Variants in HS6ST3 observed in about 807,000 individuals in gnomAD.
The protein encoded by HS6ST3 is heparan sulfate 6-O-sulfotransferase 3.
HS6ST3 carries 12 observed loss-of-function variants against 36.7 expected under a neutral mutation model. The observed-to-expected ratio is 0.33, with a 90% CI of 0.21 to 0.53. The LOEUF (loss-of-function observed/expected upper bound fraction) is 0.53, where lower values mean the gene tolerates loss of function less well. HS6ST3 is among the 20% of genes least tolerant of loss of function. The pLI is 0.95. For missense variants in HS6ST3, 584 were observed against 640.9 expected (o/e 0.91, Z 0.96); for synonymous variants, 240 against 257.5 (o/e 0.93, Z 0.65).
chr13:96,507,859 T>A (rs985739617), intron 1 of HS6ST3, among the ~76,000 whole-genome samples: 1 of 152,058 alleles, frequency 6.6e-6, no homozygotes, highest in African/African-American at 2.4e-5. Flanking sequence ...GATTAACTAT[T>A]CAGTTGAATT....
intron 1 of HS6ST3, among the ~76,000 whole-genome samples, chr13:96,254,429 AAAAAAAAAAAAAAAAAAAAATATAT>A: frequency 5.0e-5 from 2 of 39,900 alleles, no homozygotes; most frequent in African/African-American, 1.7e-4. Flanking sequence ...AAAAAAAAAA[AAAAAAAAAAAAAAAAAAAAATATAT>A]ATATATATAT....
At chr13:96,303,096 G>A (rs1294779687) in intron 1 of HS6ST3, among the ~76,000 whole-genome samples, 1 of 152,076 alleles carries the variant, frequency 6.6e-6, no homozygotes, top group African/African-American at 2.4e-5. Context: ...AACGTTTTTT[G>A]ACCCTTATTC....
At chr13:96,734,825 C>T (rs1403672002) in intron 1 of HS6ST3, among the ~76,000 whole-genome samples, 1 of 152,166 alleles carries the variant, frequency 6.6e-6, no homozygotes, top group Non-Finnish European at 1.5e-5. Flanking sequence ...AGATCAGTGT[C>T]TGGAGAAATT....
intron 1 of HS6ST3, among the ~76,000 whole-genome samples, chr13:96,335,125 C>G (rs2055093826): frequency 6.6e-6 from 1 of 152,098 alleles, no homozygotes; most frequent in Non-Finnish European, 1.5e-5. Context: ...TTGTTACTAA[C>G]TGGGGGTGGC....
intron 1 of HS6ST3, among the ~76,000 whole-genome samples, chr13:96,789,068 T>C (rs1877719934): frequency 6.6e-6 from 1 of 151,746 alleles, no homozygotes; most frequent in Admixed American, 6.6e-5. Context: ...TTCTTGCTTG[T>C]TCCGTTTGTT....
At chr13:96,494,158 G>A (rs1269768315) in intron 1 of HS6ST3, among the ~76,000 whole-genome samples, 1 of 151,942 alleles carries the variant, frequency 6.6e-6, no homozygotes, top group Non-Finnish European at 1.5e-5. Context: ...CTTCACCAAT[G>A]ATAGACTGGA....
intron 1 of HS6ST3, among the ~76,000 whole-genome samples, chr13:96,259,929 A>G (rs867375542): frequency 2.6e-5 from 4 of 151,582 alleles, no homozygotes; most frequent in Admixed American, 6.6e-5. Flanking sequence ...TTAAACCATG[A>G]TTTGGGTATG....
intron 1 of HS6ST3, among the ~76,000 whole-genome samples, chr13:96,209,723 G>T (rs1006708514): frequency 6.6e-6 from 1 of 152,082 alleles, no homozygotes; most frequent in Non-Finnish European, 1.5e-5. Flanking sequence ...TCCAGCCTAG[G>T]GGGATTGTAC....
intron 1 of HS6ST3, among the ~76,000 whole-genome samples, chr13:96,161,377 G>C (rs2054135061): frequency 6.6e-6 from 1 of 152,152 alleles, no homozygotes; most frequent in Admixed American, 6.6e-5. Context: ...AATGAGTAGT[G>C]TCAGCAAAGG....
At chr13:96,419,716 G>C (rs975017412) in intron 1 of HS6ST3, among the ~76,000 whole-genome samples, 3 of 152,086 alleles carry the variant, frequency 2.0e-5, no homozygotes, top group Non-Finnish European at 4.4e-5. Flanking sequence ...TACTCTTCTA[G>C]CTTCTGGTGT....
intron 1 of HS6ST3, among the ~76,000 whole-genome samples, chr13:96,142,209 A>G (rs58455455): frequency 0.011 from 1,680 of 152,332 alleles, 35 homozygotes; most frequent in African/African-American, 0.037. Context: ...AAGTGACAGC[A>G]TCAATCAATA....
chr13:96,497,647 A>T, intron 1 of HS6ST3, among the ~76,000 whole-genome samples: 1 of 152,106 alleles, frequency 6.6e-6, no homozygotes, highest in East Asian at 1.9e-4. Context: ...ATCTGATTGT[A>T]TCAGTCATGT....
At chr13:96,348,259 G>A (rs1327279562) in intron 1 of HS6ST3, among the ~76,000 whole-genome samples, 1 of 152,202 alleles carries the variant, frequency 6.6e-6, no homozygotes, top group African/African-American at 2.4e-5. Context: ...CAAGAGTGAA[G>A]GCCATCTTGG....
intron 1 of HS6ST3, among the ~76,000 whole-genome samples, chr13:96,218,245 G>T (rs2139361156): frequency 6.6e-6 from 1 of 152,266 alleles, no homozygotes; most frequent in African/African-American, 2.4e-5. Context: ...TCAGGTAAGG[G>T]ACACAGAAGC....
chr13:96,673,093 C>A (rs1314391641), intron 1 of HS6ST3, among the ~76,000 whole-genome samples: 1 of 152,128 alleles, frequency 6.6e-6, no homozygotes, highest in East Asian at 1.9e-4. Flanking sequence ...TAGGTAGCTG[C>A]CAGCCTTCCT....
intron 1 of HS6ST3, among the ~76,000 whole-genome samples, chr13:96,305,132 T>C (rs1167361927): frequency 6.6e-6 from 1 of 152,214 alleles, no homozygotes; most frequent in Non-Finnish European, 1.5e-5. Context: ...ATAGCCATTG[T>C]ATACATGGAT....
intron 1 of HS6ST3, among the ~76,000 whole-genome samples, chr13:96,772,052 G>A (rs1877278883): frequency 1.3e-5 from 2 of 152,152 alleles, no homozygotes; most frequent in South Asian, 4.1e-4. Context: ...CTAAGGGATA[G>A]CAAAGGAAGC....
chr13:96,522,660 A>G (rs1459255710), intron 1 of HS6ST3, among the ~76,000 whole-genome samples: 1 of 138,394 alleles, frequency 7.2e-6, no homozygotes, highest in Admixed American at 7.8e-5. Flanking sequence ...TATCAGAGTC[A>G]GGATTGCAAC....
chr13:96,583,998 T>A (rs1255423285), intron 1 of HS6ST3, among the ~76,000 whole-genome samples: 6 of 152,168 alleles, frequency 3.9e-5, no homozygotes. Flanking sequence ...GACAAAATAA[T>A]CCCTGGTTGA....
Sources: allele counts gnomAD v4.1 joint callset (sites outside exome capture counted in the v4.1 genomes callset), GRCh38; gene constraint gnomAD v4.1.1; transcripts MANE v1.5; gene names NCBI Gene and HGNC (gene_info 2026-07-23, HGNC 2026-07-21).